C1orf94: variants seen among roughly 807,000 people sequenced by gnomAD.
C1orf94 encodes chromosome 1 open reading frame 94.
In C1orf94, 45 loss-of-function variants were observed where a neutral mutation model predicts 53.6. The observed-to-expected ratio is 0.84, with a 90% CI of 0.66 to 1.08. C1orf94 has a LOEUF of 1.08. Ranked by LOEUF, C1orf94 falls within the 50% of genes least tolerant of loss-of-function variation. C1orf94 has a pLI of 0.00. For synonymous variants in C1orf94, 304 were observed against 296.1 expected, an observed-to-expected ratio of 1.03 and a Z score of -0.27; for missense variants, 762 against 738.9, an observed-to-expected ratio of 1.03 and a Z score of -0.36.
rs375919799 is a variant in C1orf94 at position 34,202,898 on chromosome 1, T to C, written c.1446+639T>C. On this transcript the variant is annotated intron_variant, in intron 4 of 6. Coordinates refer to ENST00000488417, the MANE Select transcript of C1orf94 (RefSeq NM_001134734.2). ...GAAAACAACAACAACAACAACAAAATACAACAACAAAAAATAATGCGAGTA... is the reference window on the plus strand; with the variant it reads ...GAAAACAACAACAACAACAACAAAACACAACAACAAAAAATAATGCGAGTA... Among the ~76,000 whole-genome samples, 5 of 152,018 alleles carry C rather than the reference T, an allele frequency of 3.3e-5. No individual in the cohort carries two copies. The East Asian group carries it at 7.7e-4, about 23-fold the overall frequency.
chr1:34,215,143 G>A lies in C1orf94; in HGVS notation c.1721+2737G>A, dbSNP rs187293335. On this transcript the variant is annotated intron_variant, in intron 6 of 6. Coordinates refer to ENST00000488417, the MANE Select transcript of C1orf94 (RefSeq NM_001134734.2). ...GGTTGGGGTGGGGAGAAGAATCAAG[G>A]GCAGCCTCTTGAGCCAAGATCTAAA... is the stretch of plus-strand genomic sequence containing the variant. Among the ~76,000 whole-genome samples, 31 of 152,248 alleles carry A rather than the reference G, an allele frequency of 2.0e-4. No individual in the cohort carries two copies. In the East Asian group the frequency reaches 5.8e-3, roughly 28 times the overall value.
rs950253120 is a variant in C1orf94 at position 34,177,980 on chromosome 1, A to G, written c.191A>G (p.Lys64Arg). The change falls in exon 1 of 7, where the codon AAG (lysine) becomes AGG (arginine). Residue 64 changes from lysine to arginine, a missense_variant. Coordinates refer to ENST00000488417, the MANE Select transcript of C1orf94 (RefSeq NM_001134734.2). The stretch of plus-strand genomic sequence containing the variant: ...GACACACCCCAAGACAGCCTAGACA[A>G]GACTTGCCATGAAATCTGGAAGAGA... ...HQDTPQDSLD[K>R]TCHEIWKRVQ... 9 of 1,551,638 alleles carry G rather than the reference A, an allele frequency of 5.8e-6. No homozygotes were observed. Among genetic ancestry groups the G allele is most frequent in the Admixed American group, 2.0e-5 (1 of 50,988 alleles).
At chr1:34,182,685 T>G (rs940534376) in intron 1 of C1orf94, among the ~76,000 whole-genome samples, 1 of 152,190 alleles carries the variant, frequency 6.6e-6, no homozygotes, top group Non-Finnish European at 1.5e-5. Flanking sequence ...ATGCTCTGCT[T>G]CACGCACGAG....
upstream of C1orf94, among the ~76,000 whole-genome samples, chr1:34,173,706 A>G (rs925695880): frequency 1.3e-5 from 2 of 152,228 alleles, no homozygotes; most frequent in African/African-American, 4.8e-5. Context: ...TGTTTCATAG[A>G]TGAGCAAATG....
At chr1:34,169,426 A>G (rs1011171804) in intron 1 of C1orf94, among the ~76,000 whole-genome samples, 1 of 152,196 alleles carries the variant, frequency 6.6e-6, no homozygotes, top group Non-Finnish European at 1.5e-5. Flanking sequence ...AATGCAGTCT[A>G]GTGACTAGCC....
At chr1:34,198,010 A>T in intron 2 of C1orf94, 97 bp downstream of exon 2, 1 of 1,271,982 alleles carries the variant, frequency 7.9e-7, no homozygotes, top group East Asian at 2.5e-5. Flanking sequence ...AAGCATCTTC[A>T]TGCAAAGCAA....
intron 1 of C1orf94, among the ~76,000 whole-genome samples, chr1:34,190,039 C>A (rs139671121): frequency 6.6e-6 from 1 of 152,198 alleles, no homozygotes; most frequent in African/African-American, 2.4e-5. Flanking sequence ...CCAATTCCAC[C>A]CCAACACTTA....
chr1:34,197,141 C>G lies in C1orf94; in HGVS notation c.321-84C>G. On this transcript the variant is annotated intron_variant, in intron 1 of 6. Coordinates refer to ENST00000488417, the MANE Select transcript of C1orf94 (RefSeq NM_001134734.2). This position sits in a 1 kb window ranked among gnomAD's most constrained non-coding sequence, Gnocchi z 4.1. The stretch of plus-strand genomic sequence containing the variant: ...TTTGTCATGTTATGCATCCATCTCC[C>G]TTTTCTGGGGCCTATGTCCTTCTGC... The G allele has an allele frequency of 7.9e-7, 1 of 1,271,694 alleles. No individual in the cohort carries two copies. Among genetic ancestry groups the G allele is most frequent in the Non-Finnish European group, 1.1e-6 (1 of 935,172 alleles). The allele number at this position is 1,271,694 out of a possible 1,614,324, so 78.8% of individuals were successfully genotyped here.
At chr1:34,182,523 T>C (rs1011066773) in intron 1 of C1orf94, among the ~76,000 whole-genome samples, 1 of 152,160 alleles carries the variant, frequency 6.6e-6, no homozygotes, top group Admixed American at 6.5e-5. Flanking sequence ...GGGAAGATAC[T>C]GTCAGAGTCC....
Position 34,200,816 on chromosome 1 carries a change from C to G in C1orf94, c.1054C>G (p.Leu352Val). 6.2e-7 allele frequency: 1 copy of G among 1,614,130 alleles called. No individual in the cohort carries two copies. Among genetic ancestry groups the G allele is most frequent in the Non-Finnish European group, 8.5e-7 (1 of 1,180,020 alleles). Residue 352 changes from leucine to valine, a missense_variant, in exon 3 of 7, where the codon CTC becomes GTC. Physicochemically the swap from Leu to Val is conservative, Grantham distance 32. Coordinates refer to ENST00000488417, the MANE Select transcript of C1orf94 (RefSeq NM_001134734.2). ...TKEPKKGQGS[L>V]FLSQWPQSQK... The stretch of plus-strand genomic sequence containing the variant: ...GGAGCCAAAAAAGGGTCAAGGGAGC[C>G]TCTTTCTCAGCCAGTGGCCCCAGAG...
intron 1 of C1orf94, among the ~76,000 whole-genome samples, chr1:34,192,743 A>T (rs1642513622): frequency 6.6e-6 from 1 of 152,208 alleles, no homozygotes; most frequent in Admixed American, 6.5e-5. Context: ...TGAGACTGTG[A>T]CACTGGAACC....
intron 4 of C1orf94, among the ~76,000 whole-genome samples, chr1:34,207,275 GT>G (rs1642815600): frequency 7.0e-6 from 1 of 143,454 alleles, no homozygotes; most frequent in South Asian, 2.1e-4. Context: ...GTGTGTGTGT[GT>G]GTGTGTGTGT....
At chr1:34,203,767 T>C (rs1422761855) in intron 4 of C1orf94, among the ~76,000 whole-genome samples, 2 of 152,206 alleles carry the variant, frequency 1.3e-5, no homozygotes, top group Non-Finnish European at 2.9e-5. Context: ...AGGGAAAATG[T>C]AGTTTCTTTA....
upstream of C1orf94, among the ~76,000 whole-genome samples, chr1:34,176,138 C>T (rs34026966): frequency 1.3e-5 from 2 of 151,992 alleles, no homozygotes; most frequent in East Asian, 3.9e-4. Flanking sequence ...TGCATCAGTA[C>T]TGGGGGAATT....
upstream of C1orf94, among the ~76,000 whole-genome samples, chr1:34,173,934 A>G (rs1354955634): frequency 6.6e-6 from 1 of 152,242 alleles, no homozygotes; most frequent in African/African-American, 2.4e-5. Flanking sequence ...CATGTGTTGG[A>G]GGAACATAAC....
Position 34,213,610 on chromosome 1 carries a change from G to A in C1orf94, c.1721+1204G>A, listed in dbSNP as rs113230204. 9.0e-3 allele frequency among the ~76,000 whole-genome samples: 1,363 copies of A among 151,850 alleles called. 18 individuals carry two copies. Among genetic ancestry groups the A allele is most frequent in the Non-Finnish European group, 0.011 (767 of 67,954 alleles). ...GGCTGGAGTGCAATGGCGTGATCTC[G>A]GCTCACTGCAATCTCCGCCTCCCAG... On this transcript the variant is annotated intron_variant, in intron 6 of 6. Transcript: ENST00000488417.
upstream of C1orf94, among the ~76,000 whole-genome samples, chr1:34,172,400 C>A (rs778652864): frequency 6.6e-6 from 1 of 152,156 alleles, no homozygotes; most frequent in Admixed American, 6.5e-5. Flanking sequence ...TGAGAGTTTA[C>A]CATAAGCCAG....
intron 1 of C1orf94, among the ~76,000 whole-genome samples, chr1:34,169,113 T>C (rs2148607267): frequency 7.1e-6 from 1 of 140,860 alleles, no homozygotes; most frequent in East Asian, 2.1e-4. Flanking sequence ...GCCTGACATA[T>C]ACTCTAACTT....
intron 1 of C1orf94, among the ~76,000 whole-genome samples, chr1:34,182,173 C>T (rs886283127): frequency 3.3e-5 from 5 of 152,096 alleles, no homozygotes; most frequent in African/African-American, 7.2e-5. Context: ...CCAGCCTGGG[C>T]GACAGAGTGA....
Sources: gnomAD v4.1 joint callset for allele counts (sites outside exome capture counted in the v4.1 genomes callset) on GRCh38, gnomAD v4.1.1 for gene constraint, Gnocchi (gnomAD v3.1) non-coding constraint, MANE v1.5 for transcripts, NCBI Gene and HGNC (gene_info 2026-07-23, HGNC 2026-07-21) for gene names.